Variants in KCTD8 observed in about 807,000 individuals in gnomAD.
KCTD8 encodes the protein potassium channel tetramerization domain containing 8.
A neutral mutation model predicts 31.5 loss-of-function variants in KCTD8; 27 were observed. The observed-to-expected ratio is 0.86, with a 90% CI of 0.63 to 1.18. The LOEUF is 1.18. Among genes scored for constraint, KCTD8 ranks in the 50% most tolerant of loss-of-function variants. The pLI is 0.00. For missense variants in KCTD8, 658 were observed against 647.7 expected, an observed-to-expected ratio of 1.02 and a Z score of -0.17; for synonymous variants, 290 against 280.0, an observed-to-expected ratio of 1.04 and a Z score of -0.36.
intron 1 of KCTD8, among the ~76,000 whole-genome samples, chr4:44,228,252 C>G (rs1325825137): frequency 6.6e-6 from 1 of 152,146 alleles, no homozygotes; most frequent in Non-Finnish European, 1.5e-5. Context: ...AGGCTTCTCT[C>G]CTTGGCTTGT....
At chr4:44,359,023 T>A (rs997220409) in intron 1 of KCTD8, among the ~76,000 whole-genome samples, 8 of 152,224 alleles carry the variant, frequency 5.3e-5, no homozygotes, top group Admixed American at 1.3e-4. Context: ...GTTTGTTTTT[T>A]TCTTTTAAAT....
rs188686724 is a variant in KCTD8 at position 44,237,410 on chromosome 4, A to G, written c.962-62160T>C. ...ACCTCTTAGAACAGACCATGACCCT[A>G]TGGGTTATTATTTGGGAGTTGGGAA... On this transcript the variant is annotated intron_variant, in intron 1 of 1. Coordinates refer to ENST00000360029, the MANE Select transcript of KCTD8 (RefSeq NM_198353.3). Among the ~76,000 whole-genome samples the G allele has an allele frequency of 9.0e-4, 137 of 152,184 alleles. 1 individual carries two copies. Among genetic ancestry groups the G allele is most frequent in the African/African-American group, 3.0e-3 (125 of 41,556 alleles).
intron 1 of KCTD8, among the ~76,000 whole-genome samples, chr4:44,376,272 A>G (rs1719914458): frequency 2.0e-5 from 3 of 152,230 alleles, no homozygotes; most frequent in Admixed American, 2.0e-4. Flanking sequence ...GGTGCTCTCT[A>G]GCTGGCTCAT....
At chr4:44,336,026 T>G (rs1480952354) in intron 1 of KCTD8, among the ~76,000 whole-genome samples, 27 of 148,146 alleles carry the variant, frequency 1.8e-4, no homozygotes, top group African/African-American at 6.6e-4. Flanking sequence ...GGCGGGCGCC[T>G]GTAGTCCCAG....
intron 1 of KCTD8, among the ~76,000 whole-genome samples, chr4:44,213,099 G>A (rs887340885): frequency 6.6e-6 from 1 of 151,764 alleles, no homozygotes; most frequent in Non-Finnish European, 1.5e-5. Flanking sequence ...CACCATGCCC[G>A]CTAATTTTTT....
intron 1 of KCTD8, among the ~76,000 whole-genome samples, chr4:44,432,259 T>C (rs1048665443): frequency 2.6e-5 from 4 of 151,568 alleles, no homozygotes; most frequent in African/African-American, 4.8e-5. Context: ...TCCTACAACA[T>C]AGATATAATT....
chr4:44,312,681 T>G (rs1342595669), intron 1 of KCTD8, among the ~76,000 whole-genome samples: 1 of 152,188 alleles, frequency 6.6e-6, no homozygotes, highest in Non-Finnish European at 1.5e-5. Flanking sequence ...CTCCATAACT[T>G]CTTTATGCAT....
chr4:44,320,419 A>T (rs1466491580), intron 1 of KCTD8, among the ~76,000 whole-genome samples: 1 of 152,092 alleles, frequency 6.6e-6, no homozygotes, highest in East Asian at 1.9e-4. Flanking sequence ...ATTTTCTTCA[A>T]TTAAAATCTC....
At chr4:44,244,696 G>A (rs1389901196) in intron 1 of KCTD8, among the ~76,000 whole-genome samples, 1 of 151,992 alleles carries the variant, frequency 6.6e-6, no homozygotes, top group Non-Finnish European at 1.5e-5. Flanking sequence ...ATTCCAAAGG[G>A]GTCCTGTTCC....
At chr4:44,385,536 C>T (rs1306413091) in intron 1 of KCTD8, among the ~76,000 whole-genome samples, 1 of 151,508 alleles carries the variant, frequency 6.6e-6, no homozygotes, top group Non-Finnish European at 1.5e-5. Context: ...CCTTATGTCA[C>T]ATATAAAAAT....
intron 1 of KCTD8, among the ~76,000 whole-genome samples, chr4:44,343,054 C>T (rs747845906): frequency 3.3e-5 from 5 of 152,316 alleles, no homozygotes; most frequent in South Asian, 2.1e-4. Context: ...AGTGGAGTTG[C>T]ACTTTTACTT....
intron 1 of KCTD8, among the ~76,000 whole-genome samples, chr4:44,214,365 T>C (rs545167271): frequency 6.6e-6 from 1 of 152,332 alleles, no homozygotes. Flanking sequence ...CTCGTTTCCG[T>C]CTACTTTAGG....
intron 1 of KCTD8, among the ~76,000 whole-genome samples, chr4:44,378,238 A>AAT (rs34144469): frequency 0.24 from 34,274 of 143,584 alleles, 4,043 homozygotes; most frequent in South Asian, 0.3. Flanking sequence ...TATATGTATA[A>AAT]ATATATATAT....
At chr4:44,266,518 G>T (rs1716372154) in intron 1 of KCTD8, among the ~76,000 whole-genome samples, 1 of 152,152 alleles carries the variant, frequency 6.6e-6, no homozygotes, top group Non-Finnish European at 1.5e-5. Flanking sequence ...ACAACATAAT[G>T]ACAGGATGAA....
chr4:44,390,857 A>T (rs370427356), intron 1 of KCTD8, among the ~76,000 whole-genome samples: 1 of 152,072 alleles, frequency 6.6e-6, no homozygotes, highest in African/African-American at 2.4e-5. Context: ...AACTAGTACA[A>T]CCACTATGGA....
chr4:44,342,709 C>T (rs562077447), intron 1 of KCTD8, among the ~76,000 whole-genome samples: 1 of 152,354 alleles, frequency 6.6e-6, no homozygotes, highest in South Asian at 2.1e-4. Context: ...TTTCTACATA[C>T]TGAAAATCTG....
intron 1 of KCTD8, among the ~76,000 whole-genome samples, chr4:44,422,542 G>C (rs954936333): frequency 6.6e-6 from 1 of 151,924 alleles, no homozygotes. Flanking sequence ...ATTAATATAC[G>C]CAAATCGCAA....
chr4:44,243,531 G>T (rs1436890786), intron 1 of KCTD8, among the ~76,000 whole-genome samples: 2 of 152,142 alleles, frequency 1.3e-5, no homozygotes, highest in Admixed American at 1.3e-4. Context: ...TAAAGGCAAG[G>T]CCTGGAAAAG....
At chr4:44,391,191 G>A (rs923674282) in intron 1 of KCTD8, among the ~76,000 whole-genome samples, 32 of 151,950 alleles carry the variant, frequency 2.1e-4, no homozygotes, top group Non-Finnish European at 3.7e-4. Flanking sequence ...GTGGGAGTGG[G>A]TGAGGGATAA....
Sources: gnomAD v4.1 joint callset for allele counts (sites outside exome capture counted in the v4.1 genomes callset) on GRCh38, gnomAD v4.1.1 for gene constraint, MANE v1.5 for transcripts, NCBI Gene and HGNC (gene_info 2026-07-23, HGNC 2026-07-21) for gene names.